The following TMEM143 variants were observed in gnomAD, a reference collection of about 807,000 sequenced individuals.
The protein encoded by TMEM143 is transmembrane protein 143.
A neutral mutation model predicts 40.3 loss-of-function variants in TMEM143; 45 were observed. The observed-to-expected ratio is 1.12, with a 90% CI of 0.88 to 1.43. The LOEUF (loss-of-function observed/expected upper bound fraction) is 1.43. Among genes scored for constraint, TMEM143 ranks in the 40% most tolerant of loss-of-function variants. The probability of loss-of-function intolerance (pLI) is 0.00; values close to 1 mark genes in which losing one functional copy is unlikely to be tolerated. For synonymous variants in TMEM143, 299 were observed against 282.7 expected (o/e 1.06, Z -0.58); for missense variants, 620 against 613.4 (o/e 1.01, Z -0.11).
rs1447028848 is a variant in TMEM143 at position 48,356,568 on chromosome 19, T to C, written c.369+3504A>G. Among the ~76,000 whole-genome samples the C allele has an allele frequency of 2.0e-5, 3 of 150,898 alleles. No individual in the cohort carries two copies. The East Asian group carries it at 5.9e-4, about 29-fold the overall frequency. The stretch of plus-strand genomic sequence containing the variant: ...CCTCAGCCTCCCAAGTAGCTGGGAT[T>C]ATAGACATGCGCTACCAGGCCCAGG... On this transcript the variant is annotated intron_variant, in intron 3 of 7. Coordinates refer to ENST00000293261, the MANE Select transcript of TMEM143 (RefSeq NM_018273.4).
intron 6 of TMEM143, 146 bp downstream of exon 6, chr19:48,342,384 A>G (rs1969514704): frequency 7.1e-6 from 5 of 701,162 alleles, no homozygotes; most frequent in South Asian, 2.5e-5. Context: ...GGGAAAGAAA[A>G]GAGGAAGAAT....
intron 3 of TMEM143, among the ~76,000 whole-genome samples, chr19:48,350,730 T>C (rs368328624): frequency 6.6e-6 from 1 of 152,080 alleles, no homozygotes; most frequent in African/African-American, 2.4e-5. Flanking sequence ...GAGACCAGCC[T>C]GGCCAACATG....
intron 3 of TMEM143, among the ~76,000 whole-genome samples, chr19:48,347,554 CTTTTTTT>C (rs1309165553): frequency 7.8e-6 from 1 of 128,458 alleles, no homozygotes; most frequent in Non-Finnish European, 1.7e-5. Context: ...CTCTACAAAA[CTTTTTTT>C]TTTTTTTTTT....
At chr19:48,344,411 C>T (rs977822336) in intron 4 of TMEM143, among the ~76,000 whole-genome samples, 1 of 151,762 alleles carries the variant, frequency 6.6e-6, no homozygotes, top group African/African-American at 2.4e-5. Flanking sequence ...ACCTCAGCCT[C>T]CCGAGTAGCT....
At chr19:48,344,547 C>G (rs1969579557) in intron 4 of TMEM143, among the ~76,000 whole-genome samples, 1 of 152,166 alleles carries the variant, frequency 6.6e-6, no homozygotes, top group Non-Finnish European at 1.5e-5. Flanking sequence ...CCTCGGCCTC[C>G]TGAATGCTGG....
In TMEM143 at chr19:48,333,300, G is replaced by A; in HGVS notation, c.1299C>T (p.Pro433=). The stretch of plus-strand genomic sequence containing the variant: ...CTGGGTCTAGTTTGGGGAAACCCGG[G>A]GGTGGGTACAATCCCATGCTGGGGG... ...ALTPSMGLYP[P]PGFPKLDPVA... The change falls in exon 8 of 8, where the codon CCC becomes CCT. Residue 433 remains proline (P), a synonymous_variant. Transcript: ENST00000293261. The surrounding 1 kb of genome is among the most constrained non-coding windows in gnomAD (Gnocchi z 4.1). 2 of 1,584,422 alleles carry A rather than the reference G, an allele frequency of 1.3e-6. No individual in the cohort carries two copies. Among genetic ancestry groups the A allele is most frequent in the East Asian group, 2.3e-5 (1 of 44,140 alleles).
chr19:48,350,431 C>T (rs183658552), intron 3 of TMEM143, among the ~76,000 whole-genome samples: 140 of 152,242 alleles, frequency 9.2e-4, no homozygotes, highest in African/African-American at 3.3e-3. Context: ...CAGGTTCACT[C>T]TGTTATCCCC....
intron 3 of TMEM143, among the ~76,000 whole-genome samples, chr19:48,348,199 G>A (rs1168812779): frequency 6.6e-6 from 1 of 152,128 alleles, no homozygotes; most frequent in Non-Finnish European, 1.5e-5. Flanking sequence ...GAAAGCTGGA[G>A]AAAGAAATCT....
rs751858165 is a variant in TMEM143, at chr19:48,363,440, C to G, written c.115G>C (p.Gly39Arg). ...RVWPLLPALL[G>R]PPRALSSLAA... ...AGCGATGAGAGGGCCCGGGGGGGCC[C>G]GAGGAGCGCGGGCAACAGTGGCCAT... is the stretch of plus-strand genomic sequence containing the variant. The change falls in exon 2 of 8, where the codon GGG (glycine) becomes CGG (arginine). Residue 39 changes from glycine to arginine, a missense_variant. Gly to Arg is a moderately radical substitution (Grantham distance 125). Transcript: ENST00000293261. The G allele has an allele frequency of 6.2e-7, 1 of 1,613,950 alleles. No individual in the cohort carries two copies. The highest frequency in any genetic ancestry group is 8.5e-7 in the Non-Finnish European group (1 of 1,179,994).
Position 48,334,083 on chromosome 19 carries a change from C to T in TMEM143, c.1090G>A (p.Glu364Lys), listed in dbSNP as rs766616891. The T allele has an allele frequency of 6.3e-7, 1 of 1,588,618 alleles. No homozygotes were observed. The highest frequency in any genetic ancestry group is 8.6e-7 in the Non-Finnish European group (1 of 1,168,932). Residue 364 changes from glutamate to lysine, a missense_variant, in exon 7 of 8, where the codon GAG (glutamate) becomes AAG (lysine). By Grantham distance (56) the Glu-to-Lys change is moderately conservative. Coordinates refer to ENST00000293261, the MANE Select transcript of TMEM143 (RefSeq NM_018273.4). ...LSALALRAQD[E>K]HTKEALLAHS... ...GCCAGCAGCGCCTCCTTGGTGTGCTCGTCCTGCGCGCGCAGGGCCAGGGCG... is the reference window on the plus strand; with the variant it reads ...GCCAGCAGCGCCTCCTTGGTGTGCTTGTCCTGCGCGCGCAGGGCCAGGGCG...
intron 6 of TMEM143, 67 bp downstream of exon 6, chr19:48,342,463 A>G (rs563890773): frequency 1.6e-5 from 24 of 1,503,686 alleles, no homozygotes; most frequent in Admixed American, 2.0e-5. Flanking sequence ...AACAGAGACA[A>G]CTACAGGGGG....
chr19:48,337,887 T>C (rs1415223888), intron 6 of TMEM143, among the ~76,000 whole-genome samples: 1 of 152,102 alleles, frequency 6.6e-6, no homozygotes, highest in Non-Finnish European at 1.5e-5. Flanking sequence ...GACCGTGTGG[T>C]ATGAAAAACA....
intron 3 of TMEM143, among the ~76,000 whole-genome samples, chr19:48,355,196 GAC>G (rs1969860320): frequency 6.6e-6 from 1 of 151,740 alleles, no homozygotes; most frequent in Admixed American, 6.6e-5. Context: ...CACCACAACC[GAC>G]TGATATTTAT....
intron 3 of TMEM143, among the ~76,000 whole-genome samples, chr19:48,351,818 C>T (rs529838312): frequency 1.7e-4 from 26 of 152,238 alleles, no homozygotes; most frequent in African/African-American, 5.8e-4. Flanking sequence ...AACACCCCCT[C>T]CCTTGCTTTC....
chr19:48,352,905 C>T lies in TMEM143; in HGVS notation c.369+7167G>A, dbSNP rs538724346. On this transcript the variant is annotated intron_variant, in intron 3 of 7. Coordinates refer to ENST00000293261, the MANE Select transcript of TMEM143 (RefSeq NM_018273.4). ...GTGTTAGAGTTACAGGCATAAGCCACTGTGCCTGGCCACGTATACTTTAAA... is the reference window on the plus strand; with the variant it reads ...GTGTTAGAGTTACAGGCATAAGCCATTGTGCCTGGCCACGTATACTTTAAA... Among the ~76,000 whole-genome samples the T allele has an allele frequency of 2.6e-5, 4 of 152,268 alleles. No individual in the cohort carries two copies. The South Asian group carries it at 8.3e-4, about 32-fold the overall frequency.
chr19:48,346,860 G>A (rs1421358544), intron 3 of TMEM143, among the ~76,000 whole-genome samples: 2 of 152,172 alleles, frequency 1.3e-5, no homozygotes, highest in African/African-American at 4.8e-5. Flanking sequence ...TTACAGGCGT[G>A]AGCCATCGCA....
intron 3 of TMEM143, among the ~76,000 whole-genome samples, chr19:48,347,723 A>C (rs1223864343): frequency 6.6e-6 from 1 of 150,682 alleles, no homozygotes; most frequent in East Asian, 2.0e-4. Context: ...TGCCTGGCTA[A>C]TTTTTTGTAT....
chr19:48,337,190 T>G (rs6509377), intron 6 of TMEM143, among the ~76,000 whole-genome samples: 77,918 of 151,930 alleles, frequency 0.51, 20,341 homozygotes, highest in Middle Eastern at 0.63. Context: ...AAGTCCTCAG[T>G]CAGCACTGTC....
chr19:48,333,052 C>T lies in TMEM143; in HGVS notation c.*167G>A, dbSNP rs1243653595. 2.1e-6 allele frequency: 1 copy of T among 470,434 alleles called. No individual in the cohort carries two copies. The highest frequency in any genetic ancestry group is 2.0e-5 in the African/African-American group (1 of 50,216). The allele number at this position is 470,434 out of a possible 1,614,324, so 29.1% of individuals were successfully genotyped here. Reference sequence around the variant, plus strand: ...GCGGGGAAGACTTAACAACTGCTAGCTGCTTTGATTGGCTGCTTTGCTTAA... The same window carrying T: ...GCGGGGAAGACTTAACAACTGCTAGTTGCTTTGATTGGCTGCTTTGCTTAA... On this transcript the variant is annotated 3_prime_UTR_variant, in exon 8 of 8. Coordinates refer to ENST00000293261, the MANE Select transcript of TMEM143 (RefSeq NM_018273.4). This position sits in a 1 kb window ranked among gnomAD's most constrained non-coding sequence, Gnocchi z 4.1.
Sources: gnomAD v4.1 joint callset for allele counts (sites outside exome capture counted in the v4.1 genomes callset) on GRCh38, gnomAD v4.1.1 for gene constraint, Gnocchi (gnomAD v3.1) non-coding constraint, MANE v1.5 for transcripts, NCBI Gene and HGNC (gene_info 2026-07-23, HGNC 2026-07-21) for gene names.